Variants in MYT1L observed in about 807,000 individuals in gnomAD.
The protein encoded by MYT1L is myelin transcription factor 1 like, also known as myelin transcription factor 1-like protein.
Under a neutral mutation model 126.7 loss-of-function variants are expected in MYT1L, and 12 were observed. The ratio of observed to expected loss-of-function variants is 0.09; its 90% confidence interval spans 0.06 to 0.15. The LOEUF (loss-of-function observed/expected upper bound fraction) is 0.15. Ranked by LOEUF, MYT1L falls within the 10% of genes least tolerant of loss-of-function variation. The probability of loss-of-function intolerance (pLI) is 1.00; values close to 1 mark genes in which losing one functional copy is unlikely to be tolerated. For synonymous variants in MYT1L, 541 were observed against 604.2 expected, an observed-to-expected ratio of 0.90 and a Z score of 1.53; for missense variants, 979 against 1,585.2, an observed-to-expected ratio of 0.62 and a Z score of 6.49.
intron 2 of MYT1L, among the ~76,000 whole-genome samples, chr2:2,250,792 T>C (rs1288672697): frequency 6.6e-6 from 1 of 152,038 alleles, no homozygotes; most frequent in East Asian, 1.9e-4. Flanking sequence ...ATACCTACCA[T>C]GTACCCACAA....
intron 2 of MYT1L, among the ~76,000 whole-genome samples, chr2:2,214,921 A>G (rs1266382263): frequency 6.6e-6 from 1 of 152,200 alleles, no homozygotes; most frequent in African/African-American, 2.4e-5. Context: ...ATGTATGATA[A>G]TAGCACAAAT....
At chr2:1,988,169 G>A (rs1050687554) in intron 5 of MYT1L, among the ~76,000 whole-genome samples, 9 of 151,532 alleles carry the variant, frequency 5.9e-5, no homozygotes, top group East Asian at 1.9e-4. Context: ...CCACCCTCCC[G>A]CCAGCCCAGC....
At chr2:2,048,417 G>C (rs2068436570) in intron 4 of MYT1L, among the ~76,000 whole-genome samples, 1 of 152,158 alleles carries the variant, frequency 6.6e-6, no homozygotes. Flanking sequence ...GGGCATTCAA[G>C]CTTAGAAATT....
intron 2 of MYT1L, among the ~76,000 whole-genome samples, chr2:2,280,294 T>C (rs2095429398): frequency 1.3e-5 from 2 of 152,220 alleles, no homozygotes; most frequent in Admixed American, 1.3e-4. Context: ...CCTGGTTGTA[T>C]GGTTCACAGC....
intron 21 of MYT1L, among the ~76,000 whole-genome samples, chr2:1,814,025 C>CAA (rs2037211669): frequency 1.9e-5 from 2 of 105,874 alleles, no homozygotes; most frequent in Non-Finnish European, 4.0e-5. Context: ...AGACTCCGTC[C>CAA]CCAAAAAAAA....
chr2:2,021,983 T>C (rs992868774), intron 4 of MYT1L, among the ~76,000 whole-genome samples: 3 of 152,150 alleles, frequency 2.0e-5, no homozygotes, highest in Admixed American at 2.0e-4. Flanking sequence ...CTGACACAAG[T>C]GGCAGTTCCA....
chr2:2,156,562 A>G (rs1014388307), intron 3 of MYT1L, among the ~76,000 whole-genome samples: 1 of 152,244 alleles, frequency 6.6e-6, no homozygotes, highest in Non-Finnish European at 1.5e-5. Context: ...TTTAATGTAG[A>G]TTAGAAGTTT....
chr2:2,023,637 C>G (rs1334029684), intron 4 of MYT1L, among the ~76,000 whole-genome samples: 1 of 144,178 alleles, frequency 6.9e-6, no homozygotes, highest in African/African-American at 2.6e-5. Context: ...TTTTTTTTTT[C>G]AAACAACATA....
intron 2 of MYT1L, among the ~76,000 whole-genome samples, chr2:2,269,273 T>C (rs1264338982): frequency 1.3e-5 from 2 of 152,234 alleles, no homozygotes; most frequent in Admixed American, 1.3e-4. Flanking sequence ...TGAGATCAAA[T>C]TGTTACAGAA....
At chr2:2,098,726 T>C (rs963410893) in intron 3 of MYT1L, among the ~76,000 whole-genome samples, 8 of 152,096 alleles carry the variant, frequency 5.3e-5, no homozygotes, top group African/African-American at 1.7e-4. Context: ...AACACAAACA[T>C]TGATGTGACA....
intron 1 of MYT1L, among the ~76,000 whole-genome samples, chr2:2,290,645 T>C (rs895849466): frequency 6.6e-6 from 1 of 152,158 alleles, no homozygotes; most frequent in Admixed American, 6.5e-5. Flanking sequence ...TACACACACA[T>C]GCTCTGACGT....
intron 4 of MYT1L, among the ~76,000 whole-genome samples, chr2:2,005,833 CTTCTTTCCTGCCTGCT>C (rs1257442111): frequency 2.3e-4 from 31 of 133,976 alleles, no homozygotes; most frequent in South Asian, 7.4e-4. Context: ...TCCTGCATGC[CTTCTTTCCTGCCTGCT>C]TTCTTTCCTG....
At chr2:1,899,328 ATTT>A (rs1358263809) in intron 14 of MYT1L, among the ~76,000 whole-genome samples, 1 of 152,254 alleles carries the variant, frequency 6.6e-6, no homozygotes, top group African/African-American at 2.4e-5. Flanking sequence ...TGGAAACAGA[ATTT>A]CACACAGCTT....
chr2:2,093,730 A>G (rs1402121872), intron 3 of MYT1L, among the ~76,000 whole-genome samples: 2 of 152,102 alleles, frequency 1.3e-5, no homozygotes, highest in Non-Finnish European at 2.9e-5. Context: ...TTTTGTTGCC[A>G]TTGCTTTCGG....
intron 4 of MYT1L, among the ~76,000 whole-genome samples, chr2:2,003,988 AGCGTTCTTTCCT>A (rs2062726010): frequency 2.8e-5 from 3 of 106,990 alleles, no homozygotes; most frequent in Non-Finnish European, 6.2e-5. Flanking sequence ...CTTTCCTGCA[AGCGTTCTTTCCT>A]GCATGCCTTC....
intron 3 of MYT1L, among the ~76,000 whole-genome samples, chr2:2,061,064 T>A (rs184258823): frequency 3.5e-4 from 53 of 152,296 alleles, no homozygotes; most frequent in Middle Eastern, 3.4e-3. Flanking sequence ...GAAATAGTGA[T>A]CTGCAATGGG....
chr2:2,047,001 C>A (rs1425978678), intron 4 of MYT1L, among the ~76,000 whole-genome samples: 1 of 152,092 alleles, frequency 6.6e-6, no homozygotes, highest in East Asian at 1.9e-4. Flanking sequence ...TCTTCCATAT[C>A]CTTTGCCCAT....
At chr2:2,001,950 G>T (rs1446931099) in intron 4 of MYT1L, among the ~76,000 whole-genome samples, 1 of 152,158 alleles carries the variant, frequency 6.6e-6, no homozygotes, top group Non-Finnish European at 1.5e-5. Context: ...GATGGTGGCT[G>T]TCAGGTTTTA....
intron 2 of MYT1L, among the ~76,000 whole-genome samples, chr2:2,181,096 CTG>C (rs1203248985): frequency 8.0e-5 from 12 of 150,764 alleles, no homozygotes; most frequent in Non-Finnish European, 1.2e-4. Flanking sequence ...ACCTGTGTAC[CTG>C]TGTGTGAACA....
Sources: allele counts gnomAD v4.1 joint callset (sites outside exome capture counted in the v4.1 genomes callset), GRCh38; gene constraint gnomAD v4.1.1; transcripts MANE v1.5; gene names NCBI Gene and HGNC (gene_info 2026-07-23, HGNC 2026-07-21).